The following MPP7 variants were observed in gnomAD, a reference collection of about 807,000 sequenced individuals.
MPP7 encodes the protein MAGUK p55 scaffold protein 7, also known as MAGUK p55 subfamily member 7.
MPP7 carries 60 observed loss-of-function variants against 76.5 expected under a neutral mutation model. The observed-to-expected ratio is 0.78, with a 90% confidence interval of 0.64 to 0.97. The LOEUF is 0.97. MPP7 is among the 50% of genes least tolerant of loss of function. The pLI is 0.00. For synonymous variants in MPP7, 237 were observed against 244.5 expected (o/e 0.97, Z 0.29); for missense variants, 641 against 694.0 (o/e 0.92, Z 0.86).
intron 3 of MPP7, among the ~76,000 whole-genome samples, chr10:28,196,961 C>T (rs749916872): frequency 1.1e-4 from 17 of 152,172 alleles, no homozygotes; most frequent in African/African-American, 1.7e-4. Context: ...TACCTTCTGT[C>T]GTTTACAAAG....
chr10:28,202,100 A>C, intron 3 of MPP7, 53 bp downstream of exon 3: 1 of 1,297,412 alleles, frequency 7.7e-7, no homozygotes, highest in Non-Finnish European at 1.1e-6. Context: ...TGGTGCCCCA[A>C]ATATTTTTCC....
At chr10:28,106,486 G>A (rs979698811) in intron 11 of MPP7, among the ~76,000 whole-genome samples, 1 of 152,170 alleles carries the variant, frequency 6.6e-6, no homozygotes, top group African/African-American at 2.4e-5. Flanking sequence ...TTAGCCAACG[G>A]TTATTTAGAG....
chr10:28,174,909 A>G (rs895940427), intron 3 of MPP7, among the ~76,000 whole-genome samples: 1 of 152,252 alleles, frequency 6.6e-6, no homozygotes, highest in Non-Finnish European at 1.5e-5. Flanking sequence ...AAATGAATTA[A>G]TCTAGTAACA....
At chr10:28,098,474 T>C (rs1383145290) in intron 11 of MPP7, among the ~76,000 whole-genome samples, 1 of 151,826 alleles carries the variant, frequency 6.6e-6, no homozygotes, top group African/African-American at 2.4e-5. Flanking sequence ...AATTACTTGT[T>C]CTATTTTTCA....
chr10:28,289,972 C>T (rs1589032374), intron 1 of MPP7, among the ~76,000 whole-genome samples: 1 of 152,308 alleles, frequency 6.6e-6, no homozygotes, highest in South Asian at 2.1e-4. Context: ...GCATGTGCCA[C>T]CACGTCCAGC....
chr10:28,167,081 A>G (rs1396080338), intron 3 of MPP7, among the ~76,000 whole-genome samples: 2 of 151,914 alleles, frequency 1.3e-5, no homozygotes, highest in African/African-American at 4.8e-5. Context: ...GAGGCCAAGG[A>G]GGGCGGATTA....
At chr10:28,297,055 T>C (rs1019460120) in intron 1 of MPP7, among the ~76,000 whole-genome samples, 2 of 152,160 alleles carry the variant, frequency 1.3e-5, no homozygotes, top group East Asian at 1.9e-4. Context: ...GAGGGTTCAA[T>C]AGGAGAGGTT....
chr10:28,144,280 CAT>C (rs1564656149), intron 5 of MPP7, among the ~76,000 whole-genome samples: 2 of 152,182 alleles, frequency 1.3e-5, no homozygotes, highest in African/African-American at 2.4e-5. Context: ...TAGGGAGTGA[CAT>C]GTCACTTCCT....
chr10:28,230,139 G>T (rs552845779), intron 2 of MPP7, among the ~76,000 whole-genome samples: 3 of 152,026 alleles, frequency 2.0e-5, no homozygotes, highest in Non-Finnish European at 4.4e-5. Context: ...GAAAGAGAAT[G>T]TATAACATCA....
chr10:28,145,599 G>A (rs1429187813), intron 5 of MPP7, among the ~76,000 whole-genome samples: 1 of 152,046 alleles, frequency 6.6e-6, no homozygotes, highest in Admixed American at 6.5e-5. Context: ...TTCAAGAAAA[G>A]CAATGTTAAA....
intron 1 of MPP7, among the ~76,000 whole-genome samples, chr10:28,286,430 A>T (rs1840793702): frequency 6.6e-6 from 1 of 152,200 alleles, no homozygotes; most frequent in Non-Finnish European, 1.5e-5. Context: ...AAACTACAGC[A>T]CAGCTGAGCC....
At chr10:28,326,352 C>G (rs547874544) in intron 2 of MPP7, among the ~76,000 whole-genome samples, 1 of 152,260 alleles carries the variant, frequency 6.6e-6, no homozygotes, top group Admixed American at 6.5e-5. Flanking sequence ...AAGGCAGCTG[C>G]TGTTCCTCCT....
At chr10:28,245,052 G>A (rs1307409580) in intron 1 of MPP7, among the ~76,000 whole-genome samples, 1 of 152,118 alleles carries the variant, frequency 6.6e-6, no homozygotes, top group African/African-American at 2.4e-5. Context: ...GATGATGACT[G>A]CCTTTCCATT....
At chr10:28,059,476 A>T in intron 14 of MPP7, 174 bp downstream of exon 14, 1 of 512,532 alleles carries the variant, frequency 2.0e-6, no homozygotes, top group East Asian at 3.3e-5. Flanking sequence ...CTAAAAAATT[A>T]GAGGTGAAGA....
intron 1 of MPP7, among the ~76,000 whole-genome samples, chr10:28,267,434 G>C (rs556383180): frequency 1.1e-4 from 16 of 152,272 alleles, no homozygotes; most frequent in African/African-American, 3.9e-4. Context: ...CACTCAGGTA[G>C]TCAAATAAAT....
chr10:28,237,814 A>G, intron 2 of MPP7, among the ~76,000 whole-genome samples: 1 of 152,132 alleles, frequency 6.6e-6, no homozygotes, highest in Non-Finnish European at 1.5e-5. Context: ...AACCCCATTT[A>G]CATTTTGTTT....
intron 1 of MPP7, among the ~76,000 whole-genome samples, chr10:28,283,661 C>T (rs886771008): frequency 6.6e-6 from 1 of 151,850 alleles, no homozygotes; most frequent in Non-Finnish European, 1.5e-5. Flanking sequence ...ATTACAGGCG[C>T]CCGCCACCAC....
At chr10:28,235,109 T>C (rs1310867955) in intron 2 of MPP7, among the ~76,000 whole-genome samples, 1 of 152,172 alleles carries the variant, frequency 6.6e-6, no homozygotes, top group African/African-American at 2.4e-5. Context: ...GTGCCTGATT[T>C]CTAAAGTCTT....
At chr10:28,314,481 C>G (rs1009192430) in intron 2 of MPP7, among the ~76,000 whole-genome samples, 4 of 152,182 alleles carry the variant, frequency 2.6e-5, no homozygotes, top group African/African-American at 4.8e-5. Flanking sequence ...GATGAAAGAG[C>G]TGGTGTTGCA....
Sources: gnomAD v4.1 joint callset for allele counts (sites outside exome capture counted in the v4.1 genomes callset) on GRCh38, gnomAD v4.1.1 for gene constraint, MANE v1.5 for transcripts, NCBI Gene and HGNC (gene_info 2026-07-23, HGNC 2026-07-21) for gene names.